ZNF469: variants seen among roughly 807,000 people sequenced by gnomAD.
ZNF469 encodes zinc finger protein 469.
A neutral mutation model predicts 1.0 loss-of-function variants in ZNF469; 1 was observed. The ratio of observed to expected loss-of-function variants is 1.00; its 90% CI spans 0.35 to 4.73. ZNF469 has a LOEUF of 4.73. Among genes scored for constraint, ZNF469 ranks in the 30% most tolerant of loss-of-function variants. The probability of loss-of-function intolerance (pLI) is 0.16; values close to 1 mark genes in which losing one functional copy is unlikely to be tolerated. For synonymous variants in ZNF469, 2,703 were observed against 2,363.4 expected, an observed-to-expected ratio of 1.14 and a Z score of -4.17; for missense variants, 6,100 against 5,356.3, an observed-to-expected ratio of 1.14 and a Z score of -4.33.
the ZNF469 span, among the ~76,000 whole-genome samples, chr16:88,135,327 T>C: frequency 6.6e-6 from 1 of 152,250 alleles, no homozygotes; most frequent in Non-Finnish European, 1.5e-5. Flanking sequence ...CTGCTCAATG[T>C]TTGGAATTCC....
chr16:88,437,198 G>T lies in ZNF469; in HGVS notation c.9728G>T (p.Arg3243Leu). 6.5e-7 allele frequency: 1 copy of T among 1,549,506 alleles called. No homozygotes were observed. The highest frequency in any genetic ancestry group is 8.7e-7 in the Non-Finnish European group (1 of 1,146,566). ...EPAPKHHRGK[R>L]SAGKAAGSPG... is the part of the protein sequence containing the mutation. ...GCGCCCAAACACCACAGGGGCAAGC[G>T]CTCCGCCGGCAAGGCCGCCGGGAGC... is the stretch of plus-strand genomic sequence containing the variant. Residue 3243 changes from arginine to leucine, a missense_variant, in exon 3 of 3, where the codon CGC (arginine) becomes CTC (leucine). Coordinates refer to ENST00000565624, the MANE Select transcript of ZNF469 (RefSeq NM_001367624.2).
chr16:88,113,427 C>T, the ZNF469 span, among the ~76,000 whole-genome samples: 9 of 152,174 alleles, frequency 5.9e-5, no homozygotes, highest in Non-Finnish European at 8.8e-5. Flanking sequence ...GGGTAATGGG[C>T]GGCTCTTCCA....
the ZNF469 span, among the ~76,000 whole-genome samples, chr16:88,222,577 G>A: frequency 6.6e-6 from 1 of 152,164 alleles, no homozygotes; most frequent in Non-Finnish European, 1.5e-5. Context: ...GACCAACATG[G>A]AGAAACCCCA....
intron 1 of ZNF469, among the ~76,000 whole-genome samples, chr16:88,411,468 GGGT>G (rs1905160581): frequency 4.7e-4 from 2 of 4,268 alleles, no homozygotes; most frequent in Non-Finnish European, 1.3e-3. Flanking sequence ...GAGTGGGCAG[GGGT>G]GCAAGCAGGC....
At chr16:88,279,860 G>A in the ZNF469 span, among the ~76,000 whole-genome samples, 4 of 132,380 alleles carry the variant, frequency 3.0e-5, no homozygotes, top group Non-Finnish European at 6.9e-5. Flanking sequence ...CTGACACTCG[G>A]TCAGTACCGT....
chr16:88,142,292 C>T, the ZNF469 span, among the ~76,000 whole-genome samples: 6 of 152,268 alleles, frequency 3.9e-5, no homozygotes, highest in East Asian at 3.8e-4. Flanking sequence ...CTCTCAGCCA[C>T]AGCCCTGCCC....
the ZNF469 span, among the ~76,000 whole-genome samples, chr16:88,137,735 C>G: frequency 3.1e-4 from 47 of 152,280 alleles, no homozygotes; most frequent in African/African-American, 1.1e-3. Flanking sequence ...GAAAGACAGC[C>G]AAGGGGTTAT....
At chr16:88,310,916 G>A in the ZNF469 span, among the ~76,000 whole-genome samples, 1 of 152,090 alleles carries the variant, frequency 6.6e-6, no homozygotes, top group African/African-American at 2.4e-5. Context: ...CCCTCTCACG[G>A]TGCCTTTGTT....
the ZNF469 span, among the ~76,000 whole-genome samples, chr16:88,216,442 C>T: frequency 1.7e-4 from 26 of 149,930 alleles, no homozygotes; most frequent in African/African-American, 3.7e-4. Context: ...TGCAGTGAGC[C>T]GAGATCACGC....
chr16:88,176,908 T>C, the ZNF469 span, among the ~76,000 whole-genome samples: 1 of 152,242 alleles, frequency 6.6e-6, no homozygotes, highest in African/African-American at 2.4e-5. Flanking sequence ...CGACAGATTC[T>C]TCCATCCCAC....
At chr16:88,417,346 G>A (rs139858776) in intron 1 of ZNF469, among the ~76,000 whole-genome samples, 12 of 152,298 alleles carry the variant, frequency 7.9e-5, no homozygotes, top group African/African-American at 2.2e-4. Flanking sequence ...AGGGCTGCTC[G>A]ACCGGCCAAT....
At position 88,440,664 on chromosome 16, in the gene ZNF469, C is replaced by T. The variant is rs188504260; in HGVS notation, c.*1332C>T. ...CATTCAAAACGCCTCCGGAGTGTCG[C>T]AAACCAAGTGCGGAGGGGCCCTGAG... On this transcript the variant is annotated 3_prime_UTR_variant, in exon 3 of 3. Coordinates refer to ENST00000565624, the MANE Select transcript of ZNF469 (RefSeq NM_001367624.2). 5.3e-5 allele frequency: 8 copies of T among 152,304 alleles called. No homozygotes were observed. In the East Asian group the frequency reaches 1.5e-3, roughly 29 times the overall value. 9.4% of individuals were successfully genotyped at this position (152,304 alleles called of 1,614,324 possible). A position where few individuals can be genotyped will look rare whatever the true frequency, so the allele number is the denominator to read the frequency against.
chr16:88,411,361 CA>C (rs1244497247), intron 1 of ZNF469, among the ~76,000 whole-genome samples: 11 of 151,964 alleles, frequency 7.2e-5, no homozygotes, highest in South Asian at 2.1e-4. Context: ...GCGGGTGGTC[CA>C]GGGGGAGTGG....
Position 88,435,196 on chromosome 16 carries a change from C to T in ZNF469, c.7726C>T (p.Pro2576Ser). 1 of 1,550,390 alleles carries T rather than the reference C, an allele frequency of 6.4e-7. No homozygotes were observed. The highest frequency in any genetic ancestry group is 8.7e-7 in the Non-Finnish European group (1 of 1,146,990). The change falls in exon 3 of 3, where the codon CCA (proline) becomes TCA (serine). Residue 2576 changes from proline to serine, a missense_variant. Coordinates refer to ENST00000565624, the MANE Select transcript of ZNF469 (RefSeq NM_001367624.2). ...CCCACACAGCCAGCAGCTGCACCCT[C>T]CAAGCCCTACTGAGCATGAGGTAGA... ...GSPHSQQLHPPSPTEHEVDVK... is the reference protein window; with the variant it reads ...GSPHSQQLHPSSPTEHEVDVK...
chr16:88,263,327 G>T, the ZNF469 span, among the ~76,000 whole-genome samples: 2 of 152,206 alleles, frequency 1.3e-5, no homozygotes, highest in East Asian at 1.9e-4. Flanking sequence ...GGCCCTTGTC[G>T]CAGGCTGGGC....
the ZNF469 span, among the ~76,000 whole-genome samples, chr16:88,376,372 G>A: frequency 6.6e-6 from 1 of 152,376 alleles, no homozygotes; most frequent in African/African-American, 2.4e-5. Context: ...CCGGTGTGAG[G>A]GGACGTCCGG....
At chr16:88,272,908 G>A in the ZNF469 span, among the ~76,000 whole-genome samples, 124 of 147,230 alleles carry the variant, frequency 8.4e-4, no homozygotes, top group Non-Finnish European at 1.5e-3. Flanking sequence ...GTGGATGAAC[G>A]GGTGGGTGTG....
chr16:88,186,223 C>T, the ZNF469 span, among the ~76,000 whole-genome samples: 4 of 152,230 alleles, frequency 2.6e-5, no homozygotes, highest in African/African-American at 9.6e-5. Context: ...GTTTCCAAAG[C>T]CAGTCCTTCA....
the ZNF469 span, among the ~76,000 whole-genome samples, chr16:88,256,911 T>TC: frequency 2.3e-4 from 1 of 4,362 alleles, no homozygotes; most frequent in Admixed American, 4.0e-3. Flanking sequence ...TCTTTCTTTC[T>TC]TTCTTTCTTT....
Sources: allele counts gnomAD v4.1 joint callset (sites outside exome capture counted in the v4.1 genomes callset), GRCh38; gene constraint gnomAD v4.1.1; transcripts MANE v1.5; gene names NCBI Gene and HGNC (gene_info 2026-07-23, HGNC 2026-07-21).